Variants in ZNF385D observed in about 807,000 individuals in gnomAD.
The protein encoded by ZNF385D is zinc finger protein 659.
A neutral mutation model predicts 35.8 loss-of-function variants in ZNF385D; 15 were observed. That is an observed-to-expected ratio of 0.42 (90% CI 0.28 to 0.64). The LOEUF is 0.64. ZNF385D is among the 30% of genes least tolerant of loss of function. The pLI is 0.23. For synonymous variants in ZNF385D, 212 were observed against 186.8 expected, an observed-to-expected ratio of 1.13 and a Z score of -1.10; for missense variants, 474 against 494.6, an observed-to-expected ratio of 0.96 and a Z score of 0.39.
intron 3 of ZNF385D, among the ~76,000 whole-genome samples, chr3:22,120,459 A>T (rs1044312655): frequency 1.3e-5 from 2 of 152,084 alleles, no homozygotes; most frequent in Admixed American, 1.3e-4. Context: ...CTTTTTTAAG[A>T]GTTCTATCCT....
rs756165000 is a variant in ZNF385D, at chr3:22,065,193, G to C, written c.325+103624C>G. The stretch of plus-strand genomic sequence containing the variant: ...AAGTCTTAGACTCAAAGAGAGTGTT[G>C]TGTGGCTATTCTCTTGCTCTCCTCG... On this transcript the variant is annotated intron_variant, in intron 3 of 5. Transcript: ENST00000494108. 6.6e-4 allele frequency among the ~76,000 whole-genome samples: 100 copies of C among 152,316 alleles called. 1 individual carries two copies. The highest frequency in any genetic ancestry group is 1.2e-3 in the Non-Finnish European group (84 of 68,026).
chr3:21,887,418 C>CA (rs1349762692), intron 3 of ZNF385D, among the ~76,000 whole-genome samples: 1 of 151,946 alleles, frequency 6.6e-6, no homozygotes, highest in Non-Finnish European at 1.5e-5. Context: ...TTTAAAAGAG[C>CA]AAAAAACAGC....
At chr3:22,111,152 ATTTTTTTTTT>A (rs61708178) in intron 3 of ZNF385D, among the ~76,000 whole-genome samples, 35 of 68,976 alleles carry the variant, frequency 5.1e-4, no homozygotes, top group African/African-American at 1.5e-3. Context: ...TCCATGTTGG[ATTTTTTTTTT>A]TTTTTTTTTT....
At chr3:21,706,939 T>G (rs182595964) in intron 1 of ZNF385D, among the ~76,000 whole-genome samples, 1 of 152,306 alleles carries the variant, frequency 6.6e-6, no homozygotes, top group African/African-American at 2.4e-5. Flanking sequence ...CTTCTTCAAG[T>G]AGCTGCCTCA....
intron 1 of ZNF385D, among the ~76,000 whole-genome samples, chr3:21,719,043 A>T (rs1043037560): frequency 6.6e-6 from 1 of 152,206 alleles, no homozygotes; most frequent in Non-Finnish European, 1.5e-5. Flanking sequence ...TTTTCCTTGT[A>T]GTAGCTATTA....
intron 3 of ZNF385D, among the ~76,000 whole-genome samples, chr3:22,105,307 CTTT>C (rs71618882): frequency 7.0e-6 from 1 of 143,876 alleles, no homozygotes. Context: ...TGCATATTGC[CTTT>C]TTTTTTTCAG....
intron 3 of ZNF385D, among the ~76,000 whole-genome samples, chr3:22,103,011 T>C (rs757839512): frequency 1.3e-5 from 2 of 150,386 alleles, no homozygotes; most frequent in African/African-American, 2.4e-5. Context: ...TATATATAAG[T>C]GAATAAATTT....
chr3:21,968,853 G>T (rs1441027794), intron 3 of ZNF385D, among the ~76,000 whole-genome samples: 1 of 152,166 alleles, frequency 6.6e-6, no homozygotes, highest in African/African-American at 2.4e-5. Flanking sequence ...AAAAAGTAAA[G>T]AGGACTTTGC....
At chr3:22,038,136 T>C (rs1485943982) in intron 3 of ZNF385D, among the ~76,000 whole-genome samples, 1 of 152,146 alleles carries the variant, frequency 6.6e-6, no homozygotes, top group Non-Finnish European at 1.5e-5. Flanking sequence ...TCTGGGTTTA[T>C]TTGGCACCAA....
intron 3 of ZNF385D, among the ~76,000 whole-genome samples, chr3:22,161,938 C>T (rs1458987149): frequency 6.6e-6 from 1 of 152,116 alleles, no homozygotes; most frequent in African/African-American, 2.4e-5. Flanking sequence ...TGAAGACAAA[C>T]AGCTTTACTG....
At chr3:22,076,884 T>C (rs572082091) in intron 3 of ZNF385D, among the ~76,000 whole-genome samples, 1 of 152,036 alleles carries the variant, frequency 6.6e-6, no homozygotes, top group South Asian at 2.1e-4. Context: ...TGTAAGTAAT[T>C]ACAGAAAAAC....
At chr3:21,792,321 A>C (rs2071964121) in intron 3 of ZNF385D, among the ~76,000 whole-genome samples, 2 of 151,808 alleles carry the variant, frequency 1.3e-5, no homozygotes, top group African/African-American at 4.8e-5. Flanking sequence ...TGTGACAACC[A>C]CTCTTTGTCT....
At chr3:21,679,682 G>T (rs1045707358) in intron 1 of ZNF385D, among the ~76,000 whole-genome samples, 12 of 151,886 alleles carry the variant, frequency 7.9e-5, no homozygotes, top group African/African-American at 2.9e-4. Context: ...GAGAGAGAAA[G>T]AACAAAAAGG....
intron 3 of ZNF385D, among the ~76,000 whole-genome samples, chr3:21,553,069 A>G (rs944496058): frequency 3.3e-5 from 5 of 152,124 alleles, no homozygotes; most frequent in African/African-American, 1.2e-4. Flanking sequence ...ATGGGGTCAC[A>G]AGTCAAGGAA....
At chr3:22,117,533 A>T (rs978039374) in intron 3 of ZNF385D, among the ~76,000 whole-genome samples, 1 of 152,024 alleles carries the variant, frequency 6.6e-6, no homozygotes, top group Admixed American at 6.6e-5. Context: ...ATAACAGGTT[A>T]AATAGGAAAG....
intron 3 of ZNF385D, among the ~76,000 whole-genome samples, chr3:21,793,299 G>A (rs1456810726): frequency 6.6e-6 from 1 of 152,192 alleles, no homozygotes; most frequent in East Asian, 1.9e-4. Context: ...TCCACAGGCT[G>A]TGATAAGAAT....
intron 1 of ZNF385D, among the ~76,000 whole-genome samples, chr3:21,694,707 G>A (rs1397523285): frequency 3.3e-5 from 5 of 152,214 alleles, no homozygotes; most frequent in African/African-American, 1.2e-4. Context: ...GTTCGAACAT[G>A]TGACAGTGAT....
chr3:21,936,924 C>T (rs1234367221), intron 3 of ZNF385D, among the ~76,000 whole-genome samples: 1 of 152,096 alleles, frequency 6.6e-6, no homozygotes, highest in Non-Finnish European at 1.5e-5. Context: ...AAACACTTCC[C>T]TTCCAAGTGG....
intron 3 of ZNF385D, among the ~76,000 whole-genome samples, chr3:21,799,852 CTA>C (rs1426855842): frequency 2.6e-5 from 4 of 152,122 alleles, no homozygotes; most frequent in Non-Finnish European, 4.4e-5. Context: ...AGATTTTCCT[CTA>C]TGTTTTCTTC....
Sources: allele counts gnomAD v4.1 joint callset (sites outside exome capture counted in the v4.1 genomes callset), GRCh38; gene constraint gnomAD v4.1.1; transcripts MANE v1.5; gene names NCBI Gene and HGNC (gene_info 2026-07-23, HGNC 2026-07-21).